The following PDE11A variants were observed in gnomAD, a reference collection of about 807,000 sequenced individuals.
PDE11A encodes dual 3',5'-cyclic-AMP and -GMP phosphodiesterase 11A.
A neutral mutation model predicts 100.5 loss-of-function variants in PDE11A; 100 were observed. The observed-to-expected ratio is 1.00, with a 90% CI of 0.85 to 1.18. The LOEUF is 1.18. PDE11A is among the 50% of genes most tolerant of loss of function. PDE11A has a pLI of 0.00. For synonymous variants in PDE11A, 381 were observed against 420.8 expected, an observed-to-expected ratio of 0.91 and a Z score of 1.16; for missense variants, 1,141 against 1,152.6, an observed-to-expected ratio of 0.99 and a Z score of 0.15.
chr2:177,643,338 T>C (rs2080173987), intron 19 of PDE11A, among the ~76,000 whole-genome samples: 1 of 152,156 alleles, frequency 6.6e-6, no homozygotes, highest in African/African-American at 2.4e-5. Flanking sequence ...GCTGAGGTGG[T>C]CTCAGATGGA....
At chr2:177,782,180 A>G (rs2082463724) in intron 9 of PDE11A, among the ~76,000 whole-genome samples, 2 of 152,196 alleles carry the variant, frequency 1.3e-5, no homozygotes, top group African/African-American at 4.8e-5. Context: ...AGAGGATAAC[A>G]TATCTTGTAT....
intron 2 of PDE11A, among the ~76,000 whole-genome samples, chr2:177,941,511 GC>G (rs1425393686): frequency 5.3e-5 from 8 of 151,946 alleles, no homozygotes; most frequent in Non-Finnish European, 7.4e-5. Flanking sequence ...CACTATTATT[GC>G]CCCACCTGAC....
rs2086307142 is a variant in PDE11A at position 178,014,307 on chromosome 2, C to T, written c.1066G>A (p.Glu356Lys). 2 of 1,611,462 alleles carry T rather than the reference C, an allele frequency of 1.2e-6. No individual in the cohort carries two copies. The highest frequency in any genetic ancestry group is 1.7e-6 in the Non-Finnish European group (2 of 1,177,834). ...PEGAPFTEDD[E>K]KVMQMYLPFC... is the part of the protein sequence containing the mutation. ...CAAAAGGCATGAAATCTTACTTTTT[C>T]ATCATCTTCAGTAAATGGAGCTCCT... Residue 356 changes from glutamate to lysine, a missense_variant, in exon 2 of 20, where the codon GAA becomes AAA. Physicochemically the swap from Glu to Lys is moderately conservative, Grantham distance 56. Coordinates refer to ENST00000286063, the MANE Select transcript of PDE11A (RefSeq NM_016953.4).
rs2087138027 is a variant in PDE11A, at chr2:178,071,950, G to C, written c.488C>G (p.Ser163Cys). 1 of 1,614,106 alleles carries C rather than the reference G, an allele frequency of 6.2e-7. No homozygotes were observed. Among genetic ancestry groups the C allele is most frequent in the African/African-American group, 1.3e-5 (1 of 75,040 alleles). Residue 163 changes from serine to cysteine, a missense_variant, in exon 1 of 20, where the codon TCC becomes TGC. By Grantham distance (112) the Ser-to-Cys change is moderately radical. Coordinates refer to ENST00000286063, the MANE Select transcript of PDE11A (RefSeq NM_016953.4). The stretch of plus-strand genomic sequence containing the variant: ...AATATGGGCTGTGGTGGGGGGCAGG[G>C]AGCTTGCCTTCCGGAGAAGTGCCCT... The part of the protein sequence containing the change: ...RRRALLRKAS[S>C]LPPTTAHILS...
chr2:178,018,803 C>A (rs1574345347), intron 1 of PDE11A, among the ~76,000 whole-genome samples: 1 of 152,178 alleles, frequency 6.6e-6, no homozygotes. Context: ...CCACTCTGGC[C>A]TCTTTAAACG....
chr2:178,001,467 A>G (rs2086144922), intron 2 of PDE11A, among the ~76,000 whole-genome samples: 1 of 152,186 alleles, frequency 6.6e-6, no homozygotes, highest in African/African-American at 2.4e-5. Context: ...AATGTTAGAA[A>G]TGGATTTCAC....
chr2:177,844,065 G>C (rs1425531309), intron 5 of PDE11A, among the ~76,000 whole-genome samples: 1 of 152,212 alleles, frequency 6.6e-6, no homozygotes, highest in Non-Finnish European at 1.5e-5. Flanking sequence ...TGAGTGATCA[G>C]ATCCTCAGAG....
At chr2:177,846,296 A>T (rs2083601798) in intron 5 of PDE11A, among the ~76,000 whole-genome samples, 1 of 152,224 alleles carries the variant, frequency 6.6e-6, no homozygotes, top group Non-Finnish European at 1.5e-5. Flanking sequence ...TGTAGAGATT[A>T]AGGTGATAAT....
chr2:177,675,951 A>C, intron 16 of PDE11A: 1 of 312,370 alleles, frequency 3.2e-6, no homozygotes, highest in Admixed American at 4.4e-5. Flanking sequence ...ACAAAAGAAA[A>C]CCCACACCAA....
chr2:178,072,827 G>A, upstream of PDE11A: 3 of 1,193,684 alleles, frequency 2.5e-6, no homozygotes, highest in South Asian at 5.0e-5. Context: ...ACGCCCCTGA[G>A]TGAGGCACGG....
At chr2:177,937,160 T>C (rs2085285196) in intron 2 of PDE11A, among the ~76,000 whole-genome samples, 1 of 152,110 alleles carries the variant, frequency 6.6e-6, no homozygotes, top group Non-Finnish European at 1.5e-5. Context: ...GGGAGTGACC[T>C]GGCTTCTGCC....
intron 10 of PDE11A, among the ~76,000 whole-genome samples, chr2:177,744,625 TGATG>T (rs1172907672): frequency 6.6e-6 from 1 of 152,148 alleles, no homozygotes; most frequent in Non-Finnish European, 1.5e-5. Flanking sequence ...TCAATGGCTG[TGATG>T]AATGGTATTA....
intron 1 of PDE11A, among the ~76,000 whole-genome samples, chr2:178,064,324 C>G (rs907876213): frequency 2.0e-5 from 3 of 152,156 alleles, no homozygotes; most frequent in African/African-American, 7.2e-5. Context: ...GTCACCTCTT[C>G]GCTGTAGGTG....
At chr2:177,991,338 A>T (rs2086001681) in intron 2 of PDE11A, among the ~76,000 whole-genome samples, 1 of 144,254 alleles carries the variant, frequency 6.9e-6, no homozygotes, top group Non-Finnish European at 1.5e-5. Flanking sequence ...CTCAAAAAGT[A>T]AAATATAATA....
chr2:177,965,766 G>A (rs1043624619), intron 2 of PDE11A, among the ~76,000 whole-genome samples: 23 of 152,084 alleles, frequency 1.5e-4, no homozygotes, highest in African/African-American at 5.6e-4. Flanking sequence ...ATGCAGCCTT[G>A]TCATATAGAT....
chr2:178,031,666 A>C (rs561462969), intron 1 of PDE11A, among the ~76,000 whole-genome samples: 4 of 152,306 alleles, frequency 2.6e-5, no homozygotes, highest in African/African-American at 9.6e-5. Context: ...AAGAAGATTA[A>C]ATTGGAAAAA....
chr2:177,914,513 T>C (rs2084925340), intron 2 of PDE11A, among the ~76,000 whole-genome samples: 1 of 152,196 alleles, frequency 6.6e-6, no homozygotes, highest in Non-Finnish European at 1.5e-5. Flanking sequence ...ATTTATTCCA[T>C]CTGCCTTTGT....
At chr2:177,992,731 C>T (rs1225365694) in intron 2 of PDE11A, among the ~76,000 whole-genome samples, 1 of 151,940 alleles carries the variant, frequency 6.6e-6, no homozygotes, top group East Asian at 1.9e-4. Context: ...TTTAAAGATC[C>T]CTCAGTTTGA....
chr2:177,820,960 G>C (rs915301444), intron 6 of PDE11A, among the ~76,000 whole-genome samples: 1 of 151,822 alleles, frequency 6.6e-6, no homozygotes, highest in African/African-American at 2.4e-5. Context: ...TATTTGAATG[G>C]TTAGAGAGAA....
Sources: allele counts gnomAD v4.1 joint callset (sites outside exome capture counted in the v4.1 genomes callset), GRCh38; gene constraint gnomAD v4.1.1; transcripts MANE v1.5; gene names NCBI Gene and HGNC (gene_info 2026-07-23, HGNC 2026-07-21).